Variants in MTMR2 observed in about 807,000 individuals in gnomAD.
The protein encoded by MTMR2 is phosphatidylinositol-3,5-bisphosphate 3-phosphatase MTMR2.
A neutral mutation model predicts 86.9 loss-of-function variants in MTMR2; 55 were observed. That is an observed-to-expected ratio of 0.63 (90% CI 0.51 to 0.79). The LOEUF (loss-of-function observed/expected upper bound fraction) is 0.79. MTMR2 is among the 30% of genes least tolerant of loss of function. The probability of loss-of-function intolerance (pLI) is 0.00; values close to 1 mark genes in which losing one functional copy is unlikely to be tolerated. For synonymous variants in MTMR2, 241 were observed against 266.8 expected (o/e 0.90, Z 0.94); for missense variants, 659 against 772.3 (o/e 0.85, Z 1.74).
At chr11:95,915,204 C>A (rs1282769243) in intron 1 of MTMR2, among the ~76,000 whole-genome samples, 1 of 152,016 alleles carries the variant, frequency 6.6e-6, no homozygotes, top group Non-Finnish European at 1.5e-5. Flanking sequence ...TTGGCTCGCT[C>A]AAGAATATTA....
At chr11:95,867,155 C>T (rs1048519937) in intron 2 of MTMR2, among the ~76,000 whole-genome samples, 40 of 152,234 alleles carry the variant, frequency 2.6e-4, no homozygotes, top group Admixed American at 2.6e-3. Flanking sequence ...AAATCAACCA[C>T]GTGAAAGATT....
intron 2 of MTMR2, among the ~76,000 whole-genome samples, chr11:95,878,825 C>A (rs1283362977): frequency 6.6e-6 from 1 of 152,024 alleles, no homozygotes; most frequent in African/African-American, 2.4e-5. Flanking sequence ...ACAAGAAAGA[C>A]AGAAGATAGG....
At chr11:95,923,682 G>A (rs751981228) in intron 1 of MTMR2, 193 bp downstream of exon 1, 2 of 1,427,706 alleles carry the variant, frequency 1.4e-6, no homozygotes, top group Non-Finnish European at 1.8e-6. Context: ...AAGAAGCAGC[G>A]AGTTTTAACC....
intron 1 of MTMR2, among the ~76,000 whole-genome samples, chr11:95,907,081 G>C (rs930526958): frequency 6.6e-6 from 1 of 152,000 alleles, no homozygotes; most frequent in Non-Finnish European, 1.5e-5. Flanking sequence ...GTGGAAGTTG[G>C]TTCTTTGAAA....
At chr11:95,850,087 G>T (rs1332337558) in intron 8 of MTMR2, among the ~76,000 whole-genome samples, 1 of 152,062 alleles carries the variant, frequency 6.6e-6, no homozygotes, top group Non-Finnish European at 1.5e-5. Context: ...GAAAGTATTT[G>T]ATTATTGGGA....
In MTMR2 at chr11:95,838,139, T is replaced by A; in HGVS notation, c.1548A>T (p.Leu516Phe). The change falls in exon 13 of 15, where the codon TTA becomes TTT. Residue 516 changes from leucine to phenylalanine, a missense_variant. Transcript: ENST00000346299. ...CACTATTACAGAGGAATGTTCCGAATAAGCAGCTGTATAGGTGGTCCAAAA... is the reference window on the plus strand; with the variant it reads ...CACTATTACAGAGGAATGTTCCGAAAAAGCAGCTGTATAGGTGGTCCAAAA... ...ITILDHLYSC[L>F]FGTFLCNSEQ... 1 of 1,611,676 alleles carries A rather than the reference T, an allele frequency of 6.2e-7. No homozygotes were observed. Among genetic ancestry groups the A allele is most frequent in the Non-Finnish European group, 8.5e-7 (1 of 1,178,010 alleles).
chr11:95,836,354 T>C, intron 13 of MTMR2, 30 bp from the exon 14 acceptor site: 1 of 1,565,736 alleles, frequency 6.4e-7, no homozygotes, highest in Non-Finnish European at 8.8e-7. Flanking sequence ...GTAAAGATTC[T>C]CCACCACATA....
At chr11:95,907,996 A>G (rs995451411) in intron 1 of MTMR2, 8 of 249,918 alleles carry the variant, frequency 3.2e-5, no homozygotes, top group Non-Finnish European at 6.5e-5. Flanking sequence ...AAGTCCTAGC[A>G]AGAGCAATCA....
At chr11:95,873,960 C>T (rs1266476889) in intron 2 of MTMR2, among the ~76,000 whole-genome samples, 7 of 152,116 alleles carry the variant, frequency 4.6e-5, no homozygotes, top group Non-Finnish European at 2.9e-5. Context: ...GTCTGAGAGA[C>T]AGTTTGTTAT....
chr11:95,890,869 T>A (rs918345952), intron 1 of MTMR2, among the ~76,000 whole-genome samples: 1 of 151,902 alleles, frequency 6.6e-6, no homozygotes, highest in Non-Finnish European at 1.5e-5. Context: ...CAAGAACTCA[T>A]CTCGAAAAAT....
Position 95,835,272 on chromosome 11 carries a change from C to A in MTMR2, c.*18G>T, listed in dbSNP as rs377085326. The A allele has an allele frequency of 6.2e-7, 1 of 1,611,954 alleles. No individual in the cohort carries two copies. The highest frequency in any genetic ancestry group is 8.5e-7 in the Non-Finnish European group (1 of 1,178,564). ...AATCAAGAGTGTATAGCAATGATGC[C>A]CCTGATCTTACAGTCCTTTATACAA... is the stretch of plus-strand genomic sequence containing the variant. On this transcript the variant is annotated 3_prime_UTR_variant, in exon 15 of 15. Transcript: ENST00000346299.
At chr11:95,874,154 A>C (rs1320070600) in intron 2 of MTMR2, among the ~76,000 whole-genome samples, 5 of 152,068 alleles carry the variant, frequency 3.3e-5, no homozygotes, top group Non-Finnish European at 7.4e-5. Flanking sequence ...TATCCTTGTT[A>C]ACTTTCTGTC....
chr11:95,859,583 T>C (rs375332785), intron 5 of MTMR2, among the ~76,000 whole-genome samples: 1 of 152,176 alleles, frequency 6.6e-6, no homozygotes, highest in Non-Finnish European at 1.5e-5. Context: ...TTTAAATGCA[T>C]TGATTGATAC....
chr11:95,836,764 T>C (rs1003470303), intron 13 of MTMR2, among the ~76,000 whole-genome samples: 2 of 152,006 alleles, frequency 1.3e-5, no homozygotes, highest in African/African-American at 4.8e-5. Context: ...GGAAAGGAGC[T>C]AGACACAAGG....
intron 6 of MTMR2, 71 bp downstream of exon 6, chr11:95,858,460 G>A (rs1565356717): frequency 4.1e-6 from 4 of 982,336 alleles, no homozygotes; most frequent in African/African-American, 1.6e-5. Flanking sequence ...ATTCTAGACA[G>A]CCTAGACAAG....
At chr11:95,870,885 C>T (rs1020641648) in intron 2 of MTMR2, among the ~76,000 whole-genome samples, 2 of 151,924 alleles carry the variant, frequency 1.3e-5, no homozygotes, top group African/African-American at 2.4e-5. Context: ...ATCCCTCCCC[C>T]CTTCCCCCAC....
intron 1 of MTMR2, among the ~76,000 whole-genome samples, chr11:95,913,494 G>A (rs960794337): frequency 2.6e-5 from 4 of 152,046 alleles, no homozygotes; most frequent in South Asian, 2.1e-4. Context: ...GATTCCTAAC[G>A]TCACCTCAAT....
At position 95,859,902 on chromosome 11, in the gene MTMR2, A is replaced by G. The variant is rs371000965; in HGVS notation, c.469-1270T>C. ...TAAACATGTGCGGGAACCTAAGCTG[A>G]TATCTTGTTTTCCCTCAGTAAATAT... On this transcript the variant is annotated intron_variant, in intron 5 of 14. Transcript: ENST00000346299. 9.2e-5 allele frequency among the ~76,000 whole-genome samples: 14 copies of G among 152,264 alleles called. No homozygotes were observed. The East Asian group carries it at 1.9e-3, about 21-fold the overall frequency.
At chr11:95,848,235 G>A (rs1054236234) in intron 9 of MTMR2, among the ~76,000 whole-genome samples, 1 of 152,150 alleles carries the variant, frequency 6.6e-6, no homozygotes, top group Non-Finnish European at 1.5e-5. Context: ...TCTTACAGAT[G>A]ACTTCCTTTC....
Sources: allele counts gnomAD v4.1 joint callset (sites outside exome capture counted in the v4.1 genomes callset), GRCh38; gene constraint gnomAD v4.1.1; transcripts MANE v1.5; gene names NCBI Gene and HGNC (gene_info 2026-07-23, HGNC 2026-07-21).